Variants in ANXA8 observed in about 807,000 individuals in gnomAD.
The protein encoded by ANXA8 is annexin A8.
A neutral mutation model predicts 26.8 loss-of-function variants in ANXA8; 9 were observed. That is an observed-to-expected ratio of 0.34 (90% CI 0.20 to 0.59). The LOEUF (loss-of-function observed/expected upper bound fraction) is 0.59. ANXA8 is among the 20% of genes least tolerant of loss of function. ANXA8 has a pLI of 0.84. For missense variants in ANXA8, 83 were observed against 238.5 expected (o/e 0.35, Z 4.29); for synonymous variants, 39 against 94.8 (o/e 0.41, Z 3.42).
chr10:47,772,687 G>T, the ANXA8 span, among the ~76,000 whole-genome samples: 13 of 151,720 alleles, frequency 8.6e-5, no homozygotes, highest in East Asian at 2.3e-3. Context: ...AGTGTCGAAT[G>T]ATTCAAAGTT....
the ANXA8 span, among the ~76,000 whole-genome samples, chr10:47,989,472 G>T: frequency 8.1e-6 from 1 of 123,762 alleles, no homozygotes; most frequent in South Asian, 3.3e-4. Flanking sequence ...GCTGCATTGA[G>T]AAGCCTCTGT....
the ANXA8 span, chr10:47,763,179 T>C: frequency 1.0e-6 from 1 of 988,612 alleles, no homozygotes. Context: ...GATCCCGGGG[T>C]GGAGTCTCCG....
chr10:47,689,302 T>G, the ANXA8 span, among the ~76,000 whole-genome samples: 1 of 151,462 alleles, frequency 6.6e-6, no homozygotes, highest in Non-Finnish European at 1.5e-5. Context: ...GCCTCAGCCT[T>G]CAAGTGGCTG....
chr10:47,923,410 C>A, the ANXA8 span: 1 of 34,280 alleles, frequency 2.9e-5, no homozygotes, highest in East Asian at 4.9e-4. Flanking sequence ...AGGGTTCATT[C>A]TGGTGACACA....
chr10:47,657,158 G>A, the ANXA8 span, among the ~76,000 whole-genome samples: 1 of 151,432 alleles, frequency 6.6e-6, no homozygotes, highest in Non-Finnish European at 1.5e-5. Context: ...TTACATTTGA[G>A]TTACTAAAAC....
the ANXA8 span, among the ~76,000 whole-genome samples, chr10:47,699,986 T>A: frequency 1.1e-4 from 16 of 151,960 alleles, no homozygotes; most frequent in African/African-American, 3.9e-4. Flanking sequence ...GGAAAAAATT[T>A]AAACACTCCA....
the ANXA8 span, among the ~76,000 whole-genome samples, chr10:47,673,206 G>A: frequency 6.6e-6 from 1 of 151,710 alleles, no homozygotes; most frequent in African/African-American, 2.4e-5. Context: ...ATGTTCAGGA[G>A]TAGTAAGCCA....
the ANXA8 span, among the ~76,000 whole-genome samples, chr10:47,553,974 C>T: frequency 2.0e-5 from 3 of 148,940 alleles, no homozygotes; most frequent in South Asian, 6.4e-4. Context: ...CTGGGGGTGC[C>T]CTATAGCCCT....
the ANXA8 span, among the ~76,000 whole-genome samples, chr10:47,623,584 T>A: frequency 6.3e-5 from 7 of 111,278 alleles, 3 homozygotes; most frequent in Non-Finnish European, 1.4e-4. Flanking sequence ...TTAATTATAG[T>A]TTTATATTTT....
At chr10:47,658,836 T>TA in the ANXA8 span, among the ~76,000 whole-genome samples, 1 of 134,054 alleles carries the variant, frequency 7.5e-6, no homozygotes, top group Admixed American at 7.2e-5. Flanking sequence ...TGTTGAGGTT[T>TA]TTATTTATTT....
At chr10:47,769,788 T>C in the ANXA8 span, among the ~76,000 whole-genome samples, 10 of 152,306 alleles carry the variant, frequency 6.6e-5, no homozygotes, top group Admixed American at 6.5e-4. Flanking sequence ...GTACCGGTAT[T>C]GTACTCCCAC....
the ANXA8 span, among the ~76,000 whole-genome samples, chr10:47,500,535 C>T: frequency 7.4e-5 from 11 of 149,522 alleles, no homozygotes; most frequent in Non-Finnish European, 1.3e-4. Context: ...TGTATGCAAT[C>T]TAAATCAAGC....
chr10:47,947,512 G>A, the ANXA8 span, among the ~76,000 whole-genome samples: 1 of 149,690 alleles, frequency 6.7e-6, no homozygotes, highest in African/African-American at 2.5e-5. Flanking sequence ...ATCTCCTGTT[G>A]AATTGTGGTC....
rs1839194453 is a variant in ANXA8, at chr10:47,468,846, C to G, written c.*1G>C. ...GGTCTTTGCTCTTGTTCTTCTGTGC[C>G]TCAGGGGTCGCTGCCCACCAGGCTC... On this transcript the variant is annotated 3_prime_UTR_variant, in exon 12 of 12. Transcript: ENST00000585281. 1.9e-6 allele frequency: 3 copies of G among 1,610,630 alleles called. No individual in the cohort carries two copies. In the East Asian group the frequency reaches 6.7e-5, roughly 36 times the overall value.
the ANXA8 span, chr10:47,691,143 C>G: frequency 6.2e-7 from 1 of 1,602,506 alleles, no homozygotes; most frequent in East Asian, 2.2e-5. Flanking sequence ...AGTGATCAAT[C>G]AGAAACTAAG....
the ANXA8 span, among the ~76,000 whole-genome samples, chr10:47,907,038 C>T: frequency 2.0e-5 from 3 of 150,476 alleles, no homozygotes; most frequent in Non-Finnish European, 3.0e-5. Flanking sequence ...CAGGTATTAG[C>T]CAGAAGGAAC....
the ANXA8 span, among the ~76,000 whole-genome samples, chr10:47,560,138 G>A: frequency 2.0e-5 from 3 of 151,828 alleles, no homozygotes; most frequent in Non-Finnish European, 4.4e-5. Flanking sequence ...GGAAGGAGAG[G>A]TCTGGTTCCT....
the ANXA8 span, among the ~76,000 whole-genome samples, chr10:47,749,616 C>T: frequency 7.3e-5 from 11 of 150,504 alleles, no homozygotes; most frequent in Admixed American, 5.3e-4. Flanking sequence ...AAGTTGTAAT[C>T]TGTGGAGGAA....
At chr10:47,604,840 TTAA>T in the ANXA8 span, among the ~76,000 whole-genome samples, 1 of 152,226 alleles carries the variant, frequency 6.6e-6, no homozygotes. Flanking sequence ...TTTTGTTTAC[TTAA>T]TGATTATTCC....
Sources: gnomAD v4.1 joint callset for allele counts (sites outside exome capture counted in the v4.1 genomes callset) on GRCh38, gnomAD v4.1.1 for gene constraint, MANE v1.5 for transcripts, NCBI Gene and HGNC (gene_info 2026-07-23, HGNC 2026-07-21) for gene names.